ZSCAN31: variants seen among roughly 807,000 people sequenced by gnomAD.
ZSCAN31 encodes the protein zinc finger and SCAN domain containing 31, also known as zinc finger and SCAN domain-containing protein 31.
ZSCAN31 carries 14 observed loss-of-function variants against 22.5 expected under a neutral mutation model. That is an observed-to-expected ratio of 0.62 (90% CI 0.41 to 0.97). The LOEUF is 0.97. Among genes scored for constraint, ZSCAN31 ranks in the 50% least tolerant of loss-of-function variants. The pLI, the probability that ZSCAN31 is intolerant of heterozygous loss-of-function variation, is 0.00. For missense variants in ZSCAN31, 424 were observed against 483.4 expected (o/e 0.88, Z 1.15); for synonymous variants, 168 against 169.8 (o/e 0.99, Z 0.08).
At chr6:28,338,261 T>C (rs1037960230), upstream of ZSCAN31, among the ~76,000 whole-genome samples, 1 of 151,868 alleles carries the variant, frequency 6.6e-6, no homozygotes, top group African/African-American at 2.4e-5. Context: ...TAGCCAGGCA[T>C]TGTGGCACAT....
chr6:28,353,729 T>C, intron 2 of ZSCAN31: 1 of 427,420 alleles, frequency 2.3e-6, no homozygotes, highest in South Asian at 1.7e-5. Context: ...TTGCGAGTGA[T>C]TAAAGATAGT....
chr6:28,331,275 G>C lies in ZSCAN31; in HGVS notation c.-95-1497C>G, dbSNP rs1763718747. Among the ~76,000 whole-genome samples the C allele has an allele frequency of 6.6e-6, 1 of 152,182 alleles. No homozygotes were observed. The highest frequency in any genetic ancestry group is 2.1e-4 in the South Asian group (1 of 4,826). ...TGGGAAGTTTAATGGTAGTTAAACT[G>C]ATACAATGTTGACTTTAGTGGTGTA... On this transcript the variant is annotated intron_variant, in intron 1 of 3. Coordinates refer to ENST00000344279, the MANE Select transcript of ZSCAN31 (RefSeq NM_030899.5). This position sits in a 1 kb window ranked among gnomAD's most constrained non-coding sequence, Gnocchi z 4.8.
intron 2 of ZSCAN31, chr6:28,353,263 A>C (rs961966561): frequency 2.6e-5 from 4 of 153,138 alleles, no homozygotes; most frequent in African/African-American, 9.6e-5. Flanking sequence ...CACTGCGCCC[A>C]GCCCAGCCTT....
chr6:28,326,867 A>G lies in ZSCAN31; in HGVS notation c.533-13T>C. The G allele has an allele frequency of 1.3e-6, 2 of 1,591,328 alleles. No homozygotes were observed. The highest frequency in any genetic ancestry group is 2.7e-5 in the African/African-American group (2 of 74,370). On this transcript the variant is annotated splice_polypyrimidine_tract_variant and intron_variant, in intron 3 of 3. Transcript: ENST00000344279. ...ATACTTTCACCATCTGGAATAATAA[A>G]TGGACCAAACAATGTAATCTCTTTC...
intron 2 of ZSCAN31, among the ~76,000 whole-genome samples, chr6:28,328,392 A>ACC (rs1294143275): frequency 6.6e-6 from 1 of 152,102 alleles, no homozygotes; most frequent in Non-Finnish European, 1.5e-5. Flanking sequence ...TCAGAGACCT[A>ACC]CCCCCAGGCG....
In ZSCAN31 at chr6:28,351,693, CTTTCCCTCTCCCTCCTTTCT is replaced by C. The variant is rs1765028376; in HGVS notation, c.-371+2149_-371+2168del. Among the ~76,000 whole-genome samples, 1 of 151,572 alleles carries C rather than the reference CTTTCCCTCTCCCTCCTTTCT, an allele frequency of 6.6e-6. No homozygotes were observed. Among genetic ancestry groups the C allele is most frequent in the African/African-American group, 2.4e-5 (1 of 41,276 alleles). On this transcript the variant is annotated intron_variant, in intron 2 of 7. Coordinates refer to the ZSCAN31 transcript ENST00000396838. This position sits in a 1 kb window ranked among gnomAD's most constrained non-coding sequence, Gnocchi z 4.6. ...TCCTCCCTCTTTCCCTCTCTCCTTT[CTTTCCCTCTCCCTCCTTTCT>C]TTGTCTTCCTTTCCTTCCCTCCCTC...
At chr6:28,350,940 A>G (rs972525851) in intron 2 of ZSCAN31, among the ~76,000 whole-genome samples, 21 of 152,168 alleles carry the variant, frequency 1.4e-4, no homozygotes, top group African/African-American at 5.1e-4. Context: ...GTGAAAAAGG[A>G]CTAGGACCCC....
Position 28,327,518 on chromosome 6 carries a change from GTTC to G in ZSCAN31, c.394_396del (p.Glu132del), listed in dbSNP as rs1271413278. 3 of 1,613,256 alleles carry G rather than the reference GTTC, an allele frequency of 1.9e-6. No homozygotes were observed. Among genetic ancestry groups the G allele is most frequent in the Middle Eastern group, 1.6e-4 (1 of 6,084 alleles). ...TCCAAGAGCACTTCAGAATGTCCAT[GTTC>G]ATGGTCTGGAGCCTGAAGGCAGGTA... is the stretch of plus-strand genomic sequence containing the variant. On this transcript the variant is annotated inframe_deletion, in exon 3 of 4. Coordinates refer to ENST00000344279, the MANE Select transcript of ZSCAN31 (RefSeq NM_030899.5).
intron 2 of ZSCAN31, among the ~76,000 whole-genome samples, chr6:28,345,754 T>A (rs1010798869): frequency 3.9e-5 from 6 of 152,148 alleles, no homozygotes; most frequent in African/African-American, 9.7e-5. Context: ...GACCATGGGA[T>A]CCACTGGTTC....
rs894304857 is a variant in ZSCAN31 at position 28,348,043 on chromosome 6, A to AT, written c.-371+5818dup. Among the ~76,000 whole-genome samples the AT allele has an allele frequency of 6.5e-4, 96 of 148,586 alleles. 2 individuals carry two copies. Among genetic ancestry groups the AT allele is most frequent in the Non-Finnish European group, 2.5e-4 (17 of 67,716 alleles). ...GAATTGCCTGTGCATATTTTTTGCC[A>AT]TTTTTTTTCTGTATGATTGTTGGCT... On this transcript the variant is annotated intron_variant, in intron 2 of 7. Transcript: ENST00000396838.
chr6:28,353,904 C>G (rs367662179), exon 2 of ZSCAN31: 3 of 455,850 alleles, frequency 6.6e-6, no homozygotes, highest in Admixed American at 4.7e-5. Context: ...TACTGAGGTC[C>G]GAGGGGAGTT....
At position 28,342,248 on chromosome 6, in the gene ZSCAN31, T is replaced by C. The variant is rs573084880; in HGVS notation, c.-370-456A>G. ...TGCCAGAGAGCTAATTGGAAAGGAA[T>C]GGAACTCTGCGATTTAGGATAGGGA... On this transcript the variant is annotated intron_variant, in intron 2 of 7. Coordinates refer to the ZSCAN31 transcript ENST00000396838. Among the ~76,000 whole-genome samples the C allele has an allele frequency of 1.1e-4, 16 of 152,284 alleles. No individual in the cohort carries two copies. The South Asian group carries it at 2.5e-3, about 24-fold the overall frequency.
intron 2 of ZSCAN31, among the ~76,000 whole-genome samples, chr6:28,327,881 T>C (rs981121164): frequency 2.1e-4 from 32 of 152,096 alleles, no homozygotes; most frequent in Non-Finnish European, 3.2e-4. Context: ...CTGATATTCA[T>C]GTAGGTTCTT....
rs1352660831 is a variant in ZSCAN31, at chr6:28,331,812, T to C, written c.-95-2034A>G. ...CTATTGAGAAACCATGGAGATACAG[T>C]TGGCTTTTTTTGTTTTTTGTTTTCT... On this transcript the variant is annotated intron_variant, in intron 1 of 3. Coordinates refer to ENST00000344279, the MANE Select transcript of ZSCAN31 (RefSeq NM_030899.5). The surrounding 1 kb of genome is among the most constrained non-coding windows in gnomAD (Gnocchi z 4.8). Among the ~76,000 whole-genome samples the C allele has an allele frequency of 1.3e-5, 2 of 152,238 alleles. No individual in the cohort carries two copies. The highest frequency in any genetic ancestry group is 6.5e-5 in the Admixed American group (1 of 15,284).
At chr6:28,328,401 C>A (rs144315041) in intron 2 of ZSCAN31, among the ~76,000 whole-genome samples, 1 of 152,196 alleles carries the variant, frequency 6.6e-6, no homozygotes, top group Non-Finnish European at 1.5e-5. Flanking sequence ...TACCCCCAGG[C>A]GCACATTCTC....
chr6:28,350,084 A>ATGTGTG (rs112636754), intron 2 of ZSCAN31: 12,743 of 148,698 alleles, frequency 0.086, 596 homozygotes, highest in African/African-American at 0.11. Context: ...TTGCAGGAGT[A>ATGTGTG]TGTGTGTGTG....
At chr6:28,344,709 C>A (rs1205533857) in intron 2 of ZSCAN31, among the ~76,000 whole-genome samples, 1 of 152,192 alleles carries the variant, frequency 6.6e-6, no homozygotes, top group Non-Finnish European at 1.5e-5. Context: ...GAATTCCACC[C>A]AGTGGGCAGA....
intron 2 of ZSCAN31, chr6:28,353,849 A>G (rs1240571821): frequency 4.4e-6 from 2 of 457,050 alleles, no homozygotes; most frequent in Non-Finnish European, 8.8e-6. Flanking sequence ...GCCAACATGT[A>G]TATGGTACTT....
chr6:28,331,483 G>A lies in ZSCAN31; in HGVS notation c.-95-1705C>T, dbSNP rs1763734938. On this transcript the variant is annotated intron_variant, in intron 1 of 3. Transcript: ENST00000344279. The surrounding 1 kb of genome is among the most constrained non-coding windows in gnomAD (Gnocchi z 4.8). ...CCCTAACTTTATGGTATTTACCATGGGAAAGACAGACCTTAATAAAATATT... is the reference window on the plus strand; with the variant it reads ...CCCTAACTTTATGGTATTTACCATGAGAAAGACAGACCTTAATAAAATATT... Among the ~76,000 whole-genome samples, 1 of 152,156 alleles carries A rather than the reference G, an allele frequency of 6.6e-6. No individual in the cohort carries two copies. The highest frequency in any genetic ancestry group is 1.5e-5 in the Non-Finnish European group (1 of 68,024).
Sources: gnomAD v4.1 joint callset for allele counts (sites outside exome capture counted in the v4.1 genomes callset) on GRCh38, gnomAD v4.1.1 for gene constraint, Gnocchi (gnomAD v3.1) non-coding constraint, MANE v1.5 for transcripts, NCBI Gene and HGNC (gene_info 2026-07-23, HGNC 2026-07-21) for gene names.